SCN2A: variants seen among roughly 807,000 people sequenced by gnomAD.
SCN2A encodes sodium channel protein type 2 subunit alpha.
Under a neutral mutation model 188.7 loss-of-function variants are expected in SCN2A, and 20 were observed. The observed-to-expected ratio is 0.11, with a 90% CI of 0.07 to 0.15. The LOEUF (loss-of-function observed/expected upper bound fraction) is 0.15. SCN2A is among the 10% of genes least tolerant of loss of function. The pLI is 1.00. For missense variants in SCN2A, 1,278 were observed against 2,445.0 expected, an observed-to-expected ratio of 0.52 and a Z score of 10.07; for synonymous variants, 804 against 833.1, an observed-to-expected ratio of 0.97 and a Z score of 0.60.
intron 24 of SCN2A, 181 bp downstream of exon 24, chr2:165,380,910 T>A (rs1296399433): frequency 1.4e-6 from 1 of 697,270 alleles, no homozygotes; most frequent in Non-Finnish European, 2.4e-6. Context: ...GTTTTTGATA[T>A]TTTTAGTCTA....
At chr2:165,256,407 A>C (rs1473760507) in intron 1 of SCN2A, among the ~76,000 whole-genome samples, 2 of 152,162 alleles carry the variant, frequency 1.3e-5, no homozygotes, top group Non-Finnish European at 1.5e-5. Flanking sequence ...CGTTGCAACA[A>C]CTGTGGTAGC....
chr2:165,365,663 T>C lies in SCN2A; in HGVS notation c.3520+400T>C, dbSNP rs550238933. On this transcript the variant is annotated intron_variant, in intron 18 of 26. Coordinates refer to ENST00000375437, the MANE Select transcript of SCN2A (RefSeq NM_001040142.2). ...ATAAATAAGAAAGTGAGAGAAGTAA[T>C]TTATTATGTACTATTTTGTGATATT... Among the ~76,000 whole-genome samples the C allele has an allele frequency of 2.8e-3, 430 of 152,274 alleles. 2 individuals are homozygous for C. Among genetic ancestry groups the C allele is most frequent in the Middle Eastern group, 0.01 (3 of 294 alleles).
intron 14 of SCN2A, among the ~76,000 whole-genome samples, chr2:165,333,154 T>C (rs1698790112): frequency 6.6e-6 from 1 of 151,992 alleles, no homozygotes; most frequent in Non-Finnish European, 1.5e-5. Context: ...TCATATCTTA[T>C]CACTGGAGGC....
chr2:165,319,580 T>C (rs1241834103), intron 11 of SCN2A, among the ~76,000 whole-genome samples: 1 of 152,338 alleles, frequency 6.6e-6, no homozygotes, highest in East Asian at 1.9e-4. Flanking sequence ...AGAGGTTTAA[T>C]TGGACTTACA....
At chr2:165,314,188 A>G (rs1354696882) in intron 10 of SCN2A, 80 bp downstream of exon 10, 2 of 1,406,880 alleles carry the variant, frequency 1.4e-6, no homozygotes, top group Non-Finnish European at 2.0e-6. Flanking sequence ...GTGGCAAGGT[A>G]GTTGACATTA....
At chr2:165,373,076 C>T in intron 20 of SCN2A, 149 bp from the exon 21 acceptor site, 1 of 785,792 alleles carries the variant, frequency 1.3e-6, no homozygotes, top group Non-Finnish European at 2.1e-6. Context: ...CTAAGTCAGA[C>T]TCTGCTATTG....
At chr2:165,367,885 A>C (rs1700812558) in intron 19 of SCN2A, among the ~76,000 whole-genome samples, 1 of 152,128 alleles carries the variant, frequency 6.6e-6, no homozygotes, top group Non-Finnish European at 1.5e-5. Flanking sequence ...GCCCCACAGG[A>C]GCGTCTAGGG....
chr2:165,259,971 A>T, intron 1 of SCN2A, among the ~76,000 whole-genome samples: 1 of 112,346 alleles, frequency 8.9e-6, no homozygotes, highest in African/African-American at 3.6e-5. Context: ...CGGAGTCTTG[A>T]TCTGTCACTC....
chr2:165,295,699 T>G (rs1696469097), intron 1 of SCN2A, 74 bp from the exon 2 acceptor site: 1 of 1,363,058 alleles, frequency 7.3e-7, no homozygotes, highest in Non-Finnish European at 1.0e-6. Context: ...ATCTCAGTGC[T>G]CAGTGTCATG....
chr2:165,357,337 A>G (rs1056416800), intron 17 of SCN2A, among the ~76,000 whole-genome samples: 1 of 152,186 alleles, frequency 6.6e-6, no homozygotes, highest in Non-Finnish European at 1.5e-5. Context: ...GTTAAATATC[A>G]CAAAGTAGTA....
chr2:165,350,942 A>G lies in SCN2A; in HGVS notation c.2920-3250A>G, dbSNP rs1377525409. Among the ~76,000 whole-genome samples, 7 of 152,328 alleles carry G rather than the reference A, an allele frequency of 4.6e-5. No individual in the cohort carries two copies. The East Asian group carries it at 9.6e-4, about 21-fold the overall frequency. ...AGTGTTGTGGAGGATAAGTTGGATAATAGTAAGTGATAACAGCTAAACTTT... is the reference window on the plus strand; with the variant it reads ...AGTGTTGTGGAGGATAAGTTGGATAGTAGTAAGTGATAACAGCTAAACTTT... On this transcript the variant is annotated intron_variant, in intron 16 of 26. Transcript: ENST00000375437.
At chr2:165,338,540 A>C (rs1343991162) in intron 14 of SCN2A, among the ~76,000 whole-genome samples, 1 of 152,098 alleles carries the variant, frequency 6.6e-6, no homozygotes, top group African/African-American at 2.4e-5. Context: ...GATTACAGGC[A>C]TGAGCCACCA....
intron 17 of SCN2A, among the ~76,000 whole-genome samples, chr2:165,361,722 G>A (rs897565278): frequency 6.6e-6 from 1 of 151,970 alleles, no homozygotes; most frequent in African/African-American, 2.4e-5. Flanking sequence ...TCCTTAAAGA[G>A]GCCCCATTCA....
chr2:165,380,815 C>A, intron 24 of SCN2A, 86 bp downstream of exon 24: 4 of 1,065,298 alleles, frequency 3.8e-6, no homozygotes, highest in Admixed American at 4.9e-5. Flanking sequence ...ATGCAATCAC[C>A]AAAAAAAGAA....
intron 18 of SCN2A, 106 bp downstream of exon 18, chr2:165,365,369 ATCTGTATC>A: frequency 8.8e-7 from 1 of 1,131,216 alleles, no homozygotes; most frequent in Non-Finnish European, 1.3e-6. Context: ...TTATCTATCT[ATCTGTATC>A]TATCTATCTA....
Position 165,354,738 on chromosome 2 carries a change from T to C in SCN2A, c.3399+67T>C, listed in dbSNP as rs1700095711. On this transcript the variant is annotated intron_variant, in intron 17 of 26. Transcript: ENST00000375437. ...TTCTGTTGTTTAAAATTATCAGGTG[T>C]TTTTAAATTGCGTGTTTCCTTCCTG... is the stretch of plus-strand genomic sequence containing the variant. The C allele has an allele frequency of 2.7e-6, 4 of 1,504,800 alleles. No homozygotes were observed. The Admixed American group carries it at 5.2e-5, about 19-fold the overall frequency. 93.2% of individuals were successfully genotyped at this position (1,504,800 alleles called of 1,614,324 possible).
chr2:165,361,844 A>T (rs557040927), intron 17 of SCN2A, among the ~76,000 whole-genome samples: 4 of 151,974 alleles, frequency 2.6e-5, no homozygotes, highest in Non-Finnish European at 5.9e-5. Context: ...CACCTCATAC[A>T]CTCACATTAG....
At chr2:165,352,379 T>TA (rs949183949) in intron 16 of SCN2A, among the ~76,000 whole-genome samples, 8 of 151,924 alleles carry the variant, frequency 5.3e-5, no homozygotes, top group Non-Finnish European at 8.8e-5. Flanking sequence ...ATTTTTACTT[T>TA]AAAAAAAATC....
intron 21 of SCN2A, among the ~76,000 whole-genome samples, chr2:165,373,621 G>C (rs1253530083): frequency 2.0e-5 from 3 of 152,076 alleles, no homozygotes; most frequent in Admixed American, 2.0e-4. Flanking sequence ...TTTGAATCAA[G>C]ATTATTTATG....
Sources: allele counts gnomAD v4.1 joint callset (sites outside exome capture counted in the v4.1 genomes callset), GRCh38; gene constraint gnomAD v4.1.1; transcripts MANE v1.5; gene names NCBI Gene and HGNC (gene_info 2026-07-23, HGNC 2026-07-21).